Variants in ERBB4 observed in about 807,000 individuals in gnomAD.
ERBB4 encodes receptor tyrosine-protein kinase erbB-4.
A neutral mutation model predicts 158.0 loss-of-function variants in ERBB4; 42 were observed. The ratio of observed to expected loss-of-function variants is 0.27; its 90% CI spans 0.21 to 0.34. ERBB4 has a LOEUF of 0.34. Among genes scored for constraint, ERBB4 ranks in the 10% least tolerant of loss-of-function variants. The pLI, the probability that ERBB4 is intolerant of heterozygous loss-of-function variation, is 1.00. For synonymous variants in ERBB4, 583 were observed against 558.7 expected, an observed-to-expected ratio of 1.04 and a Z score of -0.61; for missense variants, 1,333 against 1,624.1, an observed-to-expected ratio of 0.82 and a Z score of 3.08.
chr2:211,393,660 C>T (rs1171802136), intron 25 of ERBB4, among the ~76,000 whole-genome samples: 1 of 151,916 alleles, frequency 6.6e-6, no homozygotes, highest in Non-Finnish European at 1.5e-5. Flanking sequence ...ATTACTGCTC[C>T]ACCCCACTTA....
intron 20 of ERBB4, among the ~76,000 whole-genome samples, chr2:211,518,971 T>C (rs2066116081): frequency 6.6e-6 from 1 of 152,234 alleles, no homozygotes; most frequent in Non-Finnish European, 1.5e-5. Context: ...CCTCTCTCTG[T>C]CTTCAGGGGA....
intron 3 of ERBB4, among the ~76,000 whole-genome samples, chr2:211,886,351 C>G (rs145144371): frequency 6.6e-6 from 1 of 152,222 alleles, no homozygotes; most frequent in African/African-American, 2.4e-5. Context: ...AAATTTGGTT[C>G]ACTTCTGTTT....
At chr2:211,948,215 T>C (rs2080758055) in intron 2 of ERBB4, among the ~76,000 whole-genome samples, 1 of 152,092 alleles carries the variant, frequency 6.6e-6, no homozygotes, top group East Asian at 1.9e-4. Context: ...GGCGAGTGGA[T>C]CATGAGGTCA....
rs553625450 is a variant in ERBB4, at chr2:211,825,266, G to A, written c.422-37107C>T. Among the ~76,000 whole-genome samples the A allele has an allele frequency of 5.3e-5, 8 of 151,754 alleles. No individual in the cohort carries two copies. The South Asian group carries it at 1.7e-3, about 32-fold the overall frequency. On this transcript the variant is annotated intron_variant, in intron 3 of 27. Transcript: ENST00000342788. Reference sequence around the variant, plus strand: ...TCATAATGATAATAAGTAGTTAACGGTAATGAACATATACGTATTTCCAAA... The same window carrying A: ...TCATAATGATAATAAGTAGTTAACGATAATGAACATATACGTATTTCCAAA...
chr2:212,281,755 C>T (rs2085767439), intron 1 of ERBB4, among the ~76,000 whole-genome samples: 2 of 151,674 alleles, frequency 1.3e-5, no homozygotes, highest in Non-Finnish European at 3.0e-5. Flanking sequence ...CCATAATTTA[C>T]CAAATAGCAT....
intron 3 of ERBB4, among the ~76,000 whole-genome samples, chr2:211,811,419 T>C (rs1364429020): frequency 6.6e-6 from 1 of 152,168 alleles, no homozygotes; most frequent in Non-Finnish European, 1.5e-5. Context: ...GTGGGTAACC[T>C]GACCTTTCTC....
At chr2:211,579,869 T>C (rs2068014962) in intron 19 of ERBB4, among the ~76,000 whole-genome samples, 1 of 152,042 alleles carries the variant, frequency 6.6e-6, no homozygotes, top group Admixed American at 6.6e-5. Context: ...ACCTAGGTGA[T>C]GGGTTGATAG....
rs2062546216 is a variant in ERBB4, at chr2:211,379,905, C to T, written c.*3710G>A. 8.6e-6 allele frequency: 2 copies of T among 231,814 alleles called. No individual in the cohort carries two copies. Among genetic ancestry groups the T allele is most frequent in the Non-Finnish European group, 1.7e-5 (2 of 117,386 alleles). 14.4% of individuals were successfully genotyped at this position (231,814 alleles called of 1,614,324 possible). ...ATACTTCAAGAAGCACATTAATAGT[C>T]CTTCCAACTTCATCTAGTAGCAGAG... On this transcript the variant is annotated 3_prime_UTR_variant, in exon 28 of 28. Coordinates refer to ENST00000342788, the MANE Select transcript of ERBB4 (RefSeq NM_005235.3).
intron 1 of ERBB4, among the ~76,000 whole-genome samples, chr2:212,496,369 T>A (rs1256550363): frequency 6.6e-6 from 1 of 152,006 alleles, no homozygotes; most frequent in Non-Finnish European, 1.5e-5. Flanking sequence ...TACACATATA[T>A]AATCAATTTA....
chr2:212,277,157 CAG>C (rs1277778178), intron 1 of ERBB4, among the ~76,000 whole-genome samples: 1 of 151,706 alleles, frequency 6.6e-6, no homozygotes, highest in Admixed American at 6.6e-5. Flanking sequence ...AATAAGTTGA[CAG>C]AGAGATTTAA....
intron 1 of ERBB4, among the ~76,000 whole-genome samples, chr2:212,299,160 C>A (rs1011074218): frequency 6.6e-6 from 1 of 151,618 alleles, no homozygotes; most frequent in Non-Finnish European, 1.5e-5. Flanking sequence ...AGATCACACA[C>A]AGACAATAAT....
intron 1 of ERBB4, among the ~76,000 whole-genome samples, chr2:212,524,415 A>G (rs1281986953): frequency 6.6e-6 from 1 of 152,028 alleles, no homozygotes; most frequent in East Asian, 1.9e-4. Flanking sequence ...TAATATGAGC[A>G]TGTGATATGG....
At chr2:211,890,575 T>C (rs1476524594) in intron 3 of ERBB4, among the ~76,000 whole-genome samples, 1 of 147,206 alleles carries the variant, frequency 6.8e-6, no homozygotes, top group African/African-American at 2.5e-5. Flanking sequence ...TAAATGTAAA[T>C]GGACTAAATT....
chr2:211,505,955 A>C (rs1326304616), intron 20 of ERBB4, among the ~76,000 whole-genome samples: 1 of 141,076 alleles, frequency 7.1e-6, no homozygotes, highest in African/African-American at 3.0e-5. Context: ...GCGAGACTCC[A>C]TCTCAAAAAA....
intron 19 of ERBB4, among the ~76,000 whole-genome samples, chr2:211,586,253 A>C (rs2068274205): frequency 6.6e-6 from 1 of 152,188 alleles, no homozygotes; most frequent in Non-Finnish European, 1.5e-5. Flanking sequence ...ATGACAAACA[A>C]GAAAAATATT....
intron 16 of ERBB4, among the ~76,000 whole-genome samples, chr2:211,640,527 T>C (rs562667425): frequency 7.2e-5 from 11 of 152,184 alleles, no homozygotes; most frequent in Non-Finnish European, 8.8e-5. Context: ...TGATTATTGA[T>C]GTATGGTGAA....
rs189884211 is a variant in ERBB4 at position 211,465,491 on chromosome 2, T to C, written c.2488-34391A>G. On this transcript the variant is annotated intron_variant, in intron 20 of 27. Transcript: ENST00000342788. The stretch of plus-strand genomic sequence containing the variant: ...AACAGCAGGAATTCTGAACATTGTA[T>C]GAAAGAGAGAAGATAATAGGGGAAG... 2.0e-5 allele frequency among the ~76,000 whole-genome samples: 3 copies of C among 152,160 alleles called. No homozygotes were observed. The East Asian group carries it at 5.8e-4, about 29-fold the overall frequency.
chr2:211,876,967 C>T (rs781235795), intron 3 of ERBB4, among the ~76,000 whole-genome samples: 1 of 151,966 alleles, frequency 6.6e-6, no homozygotes, highest in Non-Finnish European at 1.5e-5. Flanking sequence ...ACTGCTATTC[C>T]ACATCTTAAC....
At chr2:211,670,252 G>C (rs2071787758) in intron 14 of ERBB4, among the ~76,000 whole-genome samples, 1 of 152,138 alleles carries the variant, frequency 6.6e-6, no homozygotes, top group African/African-American at 2.4e-5. Flanking sequence ...ATCATTAAGG[G>C]TTGAAAGAAA....
Sources: allele counts gnomAD v4.1 joint callset (sites outside exome capture counted in the v4.1 genomes callset), GRCh38; gene constraint gnomAD v4.1.1; transcripts MANE v1.5; gene names NCBI Gene and HGNC (gene_info 2026-07-23, HGNC 2026-07-21).